Variants in KRABD4 observed in about 807,000 individuals in gnomAD.
KRABD4 encodes KRAB domain containing 4, also known as KRAB domain-containing protein 4.
the KRABD4 span, among the ~76,000 whole-genome samples, chrX:46,449,614 C>T: frequency 8.9e-6 from 1 of 112,035 alleles, no homozygotes; most frequent in Non-Finnish European, 1.9e-5. Flanking sequence ...TCACACTGCG[C>T]TTGCTTTCTT....
the KRABD4 span, among the ~76,000 whole-genome samples, chrX:46,463,788 T>TTTTG: frequency 5.4e-5 from 6 of 110,900 alleles, no homozygotes; most frequent in Non-Finnish European, 7.6e-5. Flanking sequence ...TTTGTTTGTT[T>TTTTG]TTTGTTTGTT....
At chrX:46,450,707 T>C in the KRABD4 span, among the ~76,000 whole-genome samples, 3 of 60,156 alleles carry the variant, frequency 5.0e-5, no homozygotes, top group South Asian at 1.7e-3. Flanking sequence ...TTCTTTCTCT[T>C]TTTTTTTTTT....
At chrX:46,462,308 G>C in the KRABD4 span, 218 of 142,900 alleles carry the variant, frequency 1.5e-3, 1 homozygote, top group Non-Finnish European at 2.2e-3. Flanking sequence ...TCAGGAGTTC[G>C]AGACCAGCCT....
the KRABD4 span, among the ~76,000 whole-genome samples, chrX:46,466,947 T>C: frequency 4.9e-3 from 546 of 112,461 alleles, 4 homozygotes; most frequent in Middle Eastern, 9.2e-3. Flanking sequence ...CTTGACCTCT[T>C]TTCCTTCTAG....
the KRABD4 span, chrX:46,462,828 C>T: frequency 8.3e-7 from 1 of 1,209,946 alleles, no homozygotes; most frequent in African/African-American, 1.7e-5. Context: ...AGAAGAACCT[C>T]TACAGGGATG....
At chrX:46,454,460 G>A in the KRABD4 span, 1 of 111,839 alleles carries the variant, frequency 8.9e-6, no homozygotes, top group African/African-American at 3.3e-5. Context: ...ATGCAGCCGA[G>A]GACAGCTTTG....
the KRABD4 span, chrX:46,473,561 G>A: frequency 1.9e-6 from 1 of 538,865 alleles, no homozygotes; most frequent in Non-Finnish European, 2.9e-6. Context: ...GTATGTCACA[G>A]AACATAAATG....
chrX:46,462,663 G>T, the KRABD4 span: 1 of 1,204,676 alleles, frequency 8.3e-7, no homozygotes, highest in Non-Finnish European at 1.1e-6. Flanking sequence ...AGAGGGCACA[G>T]AGTAAGCCCT....
chrX:46,465,521 C>T, the KRABD4 span, among the ~76,000 whole-genome samples: 3 of 112,864 alleles, frequency 2.7e-5, no homozygotes, highest in South Asian at 1.1e-3. Flanking sequence ...TGAGTTGATC[C>T]ATGTAAAGCA....
chrX:46,450,799 T>G, the KRABD4 span, among the ~76,000 whole-genome samples: 2 of 104,461 alleles, frequency 1.9e-5, no homozygotes, highest in Non-Finnish European at 3.9e-5. Flanking sequence ...ACCTTCCGGG[T>G]TCAAGCGATT....
At chrX:46,463,593 C>T in the KRABD4 span, 4 of 402,420 alleles carry the variant, frequency 9.9e-6, no homozygotes, top group Non-Finnish European at 1.7e-5. Flanking sequence ...TCTCATTCCT[C>T]TCCCACCACC....
At chrX:46,454,365 C>T in the KRABD4 span, 2 of 113,832 alleles carry the variant, frequency 1.8e-5, no homozygotes, top group African/African-American at 6.5e-5. Flanking sequence ...TCTGTCTTCT[C>T]TCCTTGGAGG....
At chrX:46,465,744 T>C in the KRABD4 span, among the ~76,000 whole-genome samples, 4 of 111,645 alleles carry the variant, frequency 3.6e-5, no homozygotes, top group African/African-American at 6.5e-5. Flanking sequence ...TATGTGCATT[T>C]TGAGTGACAC....
At chrX:46,450,624 C>T in the KRABD4 span, 1 of 458,779 alleles carries the variant, frequency 2.2e-6, no homozygotes, top group Non-Finnish European at 3.8e-6. Context: ...CTCTGATCCT[C>T]CCCGTCACCA....
chrX:46,473,436 G>C, the KRABD4 span: 1 of 1,133,492 alleles, frequency 8.8e-7, no homozygotes, highest in African/African-American at 1.8e-5. Context: ...CAGTGTCTGT[G>C]AGAAAGCCTT....
the KRABD4 span, among the ~76,000 whole-genome samples, chrX:46,465,799 G>A: frequency 1.8e-5 from 2 of 110,929 alleles, no homozygotes; most frequent in Non-Finnish European, 3.8e-5. Flanking sequence ...TCCACTACTT[G>A]AAATATCTGC....
chrX:46,470,553 A>G, the KRABD4 span, among the ~76,000 whole-genome samples: 1 of 111,066 alleles, frequency 9.0e-6, no homozygotes, highest in African/African-American at 3.3e-5. Flanking sequence ...ATATTCCACC[A>G]AATGGATGTA....
At chrX:46,459,354 A>G in the KRABD4 span, among the ~76,000 whole-genome samples, 5 of 109,590 alleles carry the variant, frequency 4.6e-5, no homozygotes, top group Non-Finnish European at 9.5e-5. Flanking sequence ...TCTGATGTCT[A>G]GGTAGTCAAG....
the KRABD4 span, among the ~76,000 whole-genome samples, chrX:46,470,778 T>C: frequency 9.0e-6 from 1 of 111,339 alleles, no homozygotes; most frequent in Admixed American, 9.6e-5. Flanking sequence ...TTAAGACTTA[T>C]TTAGAAGTAA....
Sources: gnomAD v4.1 joint callset for allele counts (sites outside exome capture counted in the v4.1 genomes callset) on GRCh38, gnomAD v4.1.1 for gene constraint, MANE v1.5 for transcripts, NCBI Gene and HGNC (gene_info 2026-07-23, HGNC 2026-07-21) for gene names.